Variants in ST7 observed in about 807,000 individuals in gnomAD.
ST7 encodes suppressor of tumorigenicity 7 protein.
ST7 carries 28 observed loss-of-function variants against 78.7 expected under a neutral mutation model. The observed-to-expected ratio is 0.36, with a 90% CI of 0.26 to 0.49. The LOEUF (loss-of-function observed/expected upper bound fraction) is 0.49. Among genes scored for constraint, ST7 ranks in the 20% least tolerant of loss-of-function variants. The pLI, the probability that ST7 is intolerant of heterozygous loss-of-function variation, is 0.99. For synonymous variants in ST7, 247 were observed against 249.6 expected (o/e 0.99, Z 0.10); for missense variants, 418 against 696.0 (o/e 0.60, Z 4.49).
intron 12 of ST7, among the ~76,000 whole-genome samples, chr7:117,191,251 G>C (rs1454282400): frequency 6.6e-6 from 1 of 152,046 alleles, no homozygotes. Flanking sequence ...TTTCACACCA[G>C]TTATGGTCTC....
chr7:117,207,232 C>A (rs1338629414), intron 12 of ST7, among the ~76,000 whole-genome samples: 1 of 151,880 alleles, frequency 6.6e-6, no homozygotes, highest in Non-Finnish European at 1.5e-5. Flanking sequence ...GCAACCTCTG[C>A]CTCCCAAGTT....
intron 1 of ST7, chr7:116,956,759 A>T (rs1792523016): frequency 2.4e-6 from 1 of 421,156 alleles, no homozygotes; most frequent in African/African-American, 2.1e-5. Flanking sequence ...TTTAATTTAG[A>T]TGCCTCCTAA....
chr7:117,125,157 A>G (rs906906002), intron 3 of ST7, among the ~76,000 whole-genome samples: 5 of 152,148 alleles, frequency 3.3e-5, no homozygotes, highest in African/African-American at 1.2e-4. Context: ...GCTCTAGTAC[A>G]AATTAGGTCT....
At chr7:117,086,995 C>T (rs917345985) in intron 1 of ST7, among the ~76,000 whole-genome samples, 3 of 152,202 alleles carry the variant, frequency 2.0e-5, no homozygotes, top group African/African-American at 7.2e-5. Flanking sequence ...CCGTGGGTTA[C>T]ACACCCTCAC....
Position 117,190,042 on chromosome 7 carries a change from C to T in ST7, c.1151+649C>T, listed in dbSNP as rs1410988676. ...AGCATCGAAAGCAGAGAACAGGAAA[C>T]CAGCCTCTGCTGTATCAGACAGGTT... On this transcript the variant is annotated intron_variant, in intron 11 of 15. Coordinates refer to ENST00000323984, the MANE Select transcript of ST7 (RefSeq NM_001369598.1). This position sits in a 1 kb window ranked among gnomAD's most constrained non-coding sequence, Gnocchi z 5.2. The T allele has an allele frequency of 6.3e-6, 1 of 158,966 alleles. No homozygotes were observed. Among genetic ancestry groups the T allele is most frequent in the Non-Finnish European group, 1.5e-5 (1 of 68,120 alleles). 9.8% of individuals were successfully genotyped at this position (158,966 alleles called of 1,614,324 possible).
intron 2 of ST7, 72 bp from the exon 3 acceptor site, chr7:117,119,489 G>C: frequency 1.4e-6 from 2 of 1,399,840 alleles, no homozygotes; most frequent in South Asian, 3.0e-5. Flanking sequence ...AATGTAACAT[G>C]TTTTATGGGC....
At position 117,046,682 on chromosome 7, in the gene ST7, G is replaced by A. The variant is rs573708324; in HGVS notation, c.152-53080G>A. 3.2e-4 allele frequency among the ~76,000 whole-genome samples: 49 copies of A among 152,244 alleles called. 1 individual carries two copies. In the South Asian group the frequency reaches 1.0e-2, roughly 31 times the overall value. On this transcript the variant is annotated intron_variant, in intron 1 of 15. Transcript: ENST00000323984. ...AACAAGTAAATGTTTATTTTGTGATGTAAAGGTGATTTGTGCAATAATGGG... is the reference window on the plus strand; with the variant it reads ...AACAAGTAAATGTTTATTTTGTGATATAAAGGTGATTTGTGCAATAATGGG...
At chr7:117,137,751 G>C (rs988068066) in intron 8 of ST7, among the ~76,000 whole-genome samples, 4 of 151,862 alleles carry the variant, frequency 2.6e-5, no homozygotes, top group Non-Finnish European at 5.9e-5. Flanking sequence ...TGTTCTCATT[G>C]GTCTGAAAAC....
intron 1 of ST7, 110 bp from the exon 2 acceptor site, chr7:117,099,652 C>T (rs968254173): frequency 4.1e-6 from 3 of 728,614 alleles, no homozygotes; most frequent in Non-Finnish European, 4.5e-6. Context: ...TAAGAATTAT[C>T]ATCATCAGAA....
rs143662585 is a variant in ST7, at chr7:117,074,792, T to C, written c.152-24970T>C. 431 of 152,370 alleles carry C rather than the reference T, an allele frequency of 2.8e-3. 4 individuals are homozygous for C. Among genetic ancestry groups the C allele is most frequent in the African/African-American group, 1.0e-2 (415 of 41,584 alleles). The allele number at this position is 152,370 out of a possible 1,614,324, so 9.4% of individuals were successfully genotyped here. On this transcript the variant is annotated intron_variant, in intron 1 of 15. Coordinates refer to ENST00000323984, the MANE Select transcript of ST7 (RefSeq NM_001369598.1). ...CCCTGCAAAATTAGATGTGATTGGCTTCTCCTAAGACATTGAGTTGTAGTT... is the reference window on the plus strand; with the variant it reads ...CCCTGCAAAATTAGATGTGATTGGCCTCTCCTAAGACATTGAGTTGTAGTT...
At chr7:117,031,921 A>AC (rs1176284780) in intron 1 of ST7, among the ~76,000 whole-genome samples, 1 of 143,024 alleles carries the variant, frequency 7.0e-6, no homozygotes, top group Non-Finnish European at 1.5e-5. Context: ...TTGCTTTGTC[A>AC]CCCAGGCTGG....
At chr7:117,183,796 A>G (rs975684195) in intron 10 of ST7, among the ~76,000 whole-genome samples, 7 of 152,232 alleles carry the variant, frequency 4.6e-5, no homozygotes, top group African/African-American at 1.7e-4. Flanking sequence ...ACGCTTACAC[A>G]AAAATGATCA....
chr7:117,012,708 A>G (rs1795436908), intron 1 of ST7, among the ~76,000 whole-genome samples: 2 of 152,126 alleles, frequency 1.3e-5, no homozygotes, highest in African/African-American at 4.8e-5. Context: ...AAGATAATCT[A>G]TCTAGTATGT....
chr7:117,070,065 C>T (rs1386548469), intron 1 of ST7, among the ~76,000 whole-genome samples: 1 of 152,200 alleles, frequency 6.6e-6, no homozygotes, highest in Non-Finnish European at 1.5e-5. Flanking sequence ...TATGTACCTG[C>T]TTTGGAGAAT....
chr7:117,185,468 G>A (rs945783720), intron 10 of ST7, among the ~76,000 whole-genome samples: 12 of 152,138 alleles, frequency 7.9e-5, no homozygotes, highest in Admixed American at 2.0e-4. Flanking sequence ...CTATAATCTC[G>A]CCATGCAGAA....
At chr7:117,202,943 C>G (rs1355719020) in intron 12 of ST7, among the ~76,000 whole-genome samples, 5 of 152,156 alleles carry the variant, frequency 3.3e-5, no homozygotes, top group African/African-American at 9.7e-5. Context: ...ATACTCAAGT[C>G]CCCCAGTGGG....
At chr7:117,163,699 G>A (rs187654808) in intron 9 of ST7, among the ~76,000 whole-genome samples, 9 of 151,986 alleles carry the variant, frequency 5.9e-5, no homozygotes, top group Non-Finnish European at 1.0e-4. Context: ...CATTAATCCC[G>A]TCAGAGAAGC....
chr7:117,205,273 T>C (rs1345476533), intron 12 of ST7, among the ~76,000 whole-genome samples: 1 of 152,206 alleles, frequency 6.6e-6, no homozygotes, highest in Non-Finnish European at 1.5e-5. Flanking sequence ...TTTTTTCCAT[T>C]TAGCAATGTA....
chr7:117,134,129 G>C lies in ST7; in HGVS notation c.647G>C (p.Arg216Thr). 1 of 1,611,480 alleles carries C rather than the reference G, an allele frequency of 6.2e-7. No individual in the cohort carries two copies. Among genetic ancestry groups the C allele is most frequent in the Non-Finnish European group, 8.5e-7 (1 of 1,178,594 alleles). ...ATTTTTTTCTTCTTGGTCAGAATTA[G>C]GTCCAGAGTTGAAGTTCCCCTAATT... ...AHEALEINEI[R>T]SRVEVPLIAS... is the part of the protein sequence containing the mutation. The change falls in exon 7 of 16, where the codon AGG becomes ACG. Residue 216 changes from arginine (R) to threonine (T), a missense_variant. By Grantham distance (71) the Arg-to-Thr change is moderately conservative. Transcript: ENST00000323984.
Sources: allele counts gnomAD v4.1 joint callset (sites outside exome capture counted in the v4.1 genomes callset), GRCh38; gene constraint gnomAD v4.1.1; non-coding constraint Gnocchi (gnomAD v3.1); transcripts MANE v1.5; gene names NCBI Gene and HGNC (gene_info 2026-07-23, HGNC 2026-07-21).